The following DNAI4 variants were observed in gnomAD, a reference collection of about 807,000 sequenced individuals.
DNAI4 encodes the protein dynein axonemal intermediate chain 4.
Under a neutral mutation model 105.8 loss-of-function variants are expected in DNAI4, and 85 were observed. The observed-to-expected ratio is 0.80, with a 90% confidence interval of 0.67 to 0.96. DNAI4 has a LOEUF of 0.96. DNAI4 is among the 40% of genes least tolerant of loss of function. The pLI is 0.00. For synonymous variants in DNAI4, 352 were observed against 331.5 expected (o/e 1.06, Z -0.67); for missense variants, 1,014 against 1,005.6 (o/e 1.01, Z -0.11).
At chr1:66,884,345 G>A (rs1047265038) in intron 4 of DNAI4, among the ~76,000 whole-genome samples, 3 of 152,194 alleles carry the variant, frequency 2.0e-5, no homozygotes, top group Non-Finnish European at 1.5e-5. Flanking sequence ...CCAGAAGTAG[G>A]ATTGCTGGAT....
intron 16 of DNAI4, among the ~76,000 whole-genome samples, chr1:66,818,997 ATG>A (rs199789491): frequency 0.016 from 2,486 of 152,272 alleles, 31 homozygotes; most frequent in Non-Finnish European, 0.026. Context: ...CATGTGTAAG[ATG>A]TGATTCTCTA....
At chr1:66,825,239 G>T (rs933640840) in intron 15 of DNAI4, among the ~76,000 whole-genome samples, 1 of 148,598 alleles carries the variant, frequency 6.7e-6, no homozygotes, top group East Asian at 2.0e-4. Context: ...GACTGCAGTG[G>T]CGCAATCTCG....
Position 66,847,572 on chromosome 1 carries a change from A to G in DNAI4, c.1203T>C (p.His401=). 6.2e-7 allele frequency: 1 copy of G among 1,614,052 alleles called. No homozygotes were observed. Among genetic ancestry groups the G allele is most frequent in the South Asian group, 1.1e-5 (1 of 91,050 alleles). ...CCCGTTCCATAAAAAATAAGTCCTG[A>G]TGAAATTTGTCAGATTTTAATATTG... ...SDAILKSDKF[H]QDLFFMERVL... is the part of the protein sequence containing the mutation. Residue 401 remains histidine (H), a synonymous_variant, in exon 8 of 17, where the codon CAT becomes CAC. Coordinates refer to ENST00000371026, the MANE Select transcript of DNAI4 (RefSeq NM_024763.5).
intron 1 of DNAI4, among the ~76,000 whole-genome samples, chr1:66,923,066 T>C (rs933625802): frequency 6.6e-6 from 1 of 152,216 alleles, no homozygotes; most frequent in Non-Finnish European, 1.5e-5. Context: ...TCTAACAACG[T>C]TGTAGTTGTC....
At chr1:66,897,057 T>C (rs1648396060) in intron 2 of DNAI4, among the ~76,000 whole-genome samples, 1 of 152,088 alleles carries the variant, frequency 6.6e-6, no homozygotes. Context: ...AGAGAAAGTC[T>C]GAATCTTTTT....
At chr1:66,903,785 A>G (rs1228585764) in intron 2 of DNAI4, among the ~76,000 whole-genome samples, 1 of 152,162 alleles carries the variant, frequency 6.6e-6, no homozygotes, top group African/African-American at 2.4e-5. Flanking sequence ...ATAAGCCACC[A>G]TGCCCAGCTG....
At chr1:66,816,508 G>A (rs568244159) in intron 16 of DNAI4, among the ~76,000 whole-genome samples, 1 of 151,928 alleles carries the variant, frequency 6.6e-6, no homozygotes, top group East Asian at 1.9e-4. Context: ...CTCCATAAGC[G>A]AAGAAAGAAA....
rs978330197 is a variant in DNAI4 at position 66,842,386 on chromosome 1, T to C, written c.1292-1715A>G. 2.0e-5 allele frequency among the ~76,000 whole-genome samples: 3 copies of C among 152,046 alleles called. 1 individual carries two copies. Among genetic ancestry groups the C allele is most frequent in the Admixed American group, 2.0e-4 (3 of 15,266 alleles). ...TAAGAGTATGTTTGGGTTTTTTTGT[T>C]TGTTTGTTTTGTTTTGTTTTTGAAG... On this transcript the variant is annotated intron_variant, in intron 8 of 16. Coordinates refer to ENST00000371026, the MANE Select transcript of DNAI4 (RefSeq NM_024763.5).
In DNAI4 at chr1:66,837,895, T is replaced by C. The variant is rs577121150; in HGVS notation, c.1495-99A>G. 4.4e-6 allele frequency: 5 copies of C among 1,149,404 alleles called. No individual in the cohort carries two copies. In the East Asian group the frequency reaches 1.1e-4, roughly 25 times the overall value. The allele number at this position is 1,149,404 out of a possible 1,614,324, so 71.2% of individuals were successfully genotyped here. A position where few individuals can be genotyped will look rare whatever the true frequency, so the allele number is the denominator to read the frequency against. ...TATTAATGAGCTGTGTTAAAAATAG[T>C]AGTAAGACATTTCATCTGAGAGGAA... is the stretch of plus-strand genomic sequence containing the variant. On this transcript the variant is annotated intron_variant, in intron 9 of 16. Coordinates refer to ENST00000371026, the MANE Select transcript of DNAI4 (RefSeq NM_024763.5).
intron 2 of DNAI4, among the ~76,000 whole-genome samples, chr1:66,895,292 A>G (rs925089122): frequency 3.9e-5 from 6 of 152,188 alleles, no homozygotes; most frequent in African/African-American, 1.4e-4. Context: ...CAGCCTGAAC[A>G]ACACAGCAGA....
chr1:66,898,942 T>C (rs1648569679), intron 2 of DNAI4, among the ~76,000 whole-genome samples: 1 of 152,214 alleles, frequency 6.6e-6, no homozygotes, highest in Non-Finnish European at 1.5e-5. Flanking sequence ...CAGTGCTTCA[T>C]TCCTTTTTAT....
chr1:66,875,049 T>A, intron 4 of DNAI4, 112 bp from the exon 5 acceptor site: 5 of 1,056,416 alleles, frequency 4.7e-6, no homozygotes, highest in Non-Finnish European at 6.7e-6. Context: ...GTGGTTTATA[T>A]AGTCAAGGAA....
intron 11 of DNAI4, among the ~76,000 whole-genome samples, 172 bp from the exon 12 acceptor site, chr1:66,834,320 C>T (rs931147808): frequency 6.6e-6 from 1 of 151,860 alleles, no homozygotes; most frequent in African/African-American, 2.4e-5. Flanking sequence ...GAAAAGACAA[C>T]CACTTTTCTA....
chr1:66,874,536 A>C (rs1292505972), intron 5 of DNAI4, among the ~76,000 whole-genome samples: 1 of 152,166 alleles, frequency 6.6e-6, no homozygotes, highest in Admixed American at 6.5e-5. Context: ...TAATTATTTA[A>C]AAATATGGTA....
intron 16 of DNAI4, among the ~76,000 whole-genome samples, chr1:66,817,344 G>A (rs147447648): frequency 4.6e-5 from 7 of 152,272 alleles, no homozygotes; most frequent in African/African-American, 9.6e-5. Flanking sequence ...ACGCTTAGGT[G>A]GGCAAATCAC....
intron 6 of DNAI4, among the ~76,000 whole-genome samples, chr1:66,864,676 CCT>C (rs1646694905): frequency 6.6e-6 from 1 of 152,080 alleles, no homozygotes; most frequent in African/African-American, 2.4e-5. Flanking sequence ...ATGGTGAAAC[CCT>C]GTCTCTACTA....
At chr1:66,840,698 A>T in intron 8 of DNAI4, 27 bp from the exon 9 acceptor site, 1 of 1,612,484 alleles carries the variant, frequency 6.2e-7, no homozygotes, top group Non-Finnish European at 8.5e-7. Context: ...TAAAAAGATC[A>T]TTGTCCTCTA....
intron 16 of DNAI4, among the ~76,000 whole-genome samples, chr1:66,817,697 A>G (rs1358307458): frequency 6.6e-6 from 1 of 152,252 alleles, no homozygotes; most frequent in Non-Finnish European, 1.5e-5. Flanking sequence ...ATGATACAGT[A>G]AATCAATGAA....
intron 11 of DNAI4, among the ~76,000 whole-genome samples, chr1:66,834,705 T>G (rs1345182030): frequency 6.6e-6 from 1 of 152,144 alleles, no homozygotes; most frequent in African/African-American, 2.4e-5. Context: ...GATTACTGAC[T>G]CTTTTCCTAT....
Sources: gnomAD v4.1 joint callset for allele counts (sites outside exome capture counted in the v4.1 genomes callset) on GRCh38, gnomAD v4.1.1 for gene constraint, MANE v1.5 for transcripts, NCBI Gene and HGNC (gene_info 2026-07-23, HGNC 2026-07-21) for gene names.